The following VAT1L variants were observed in gnomAD, a reference collection of about 807,000 sequenced individuals.
VAT1L encodes vesicle amine transport 1 like.
VAT1L carries 34 observed loss-of-function variants against 44.1 expected under a neutral mutation model. The observed-to-expected ratio is 0.77, with a 90% CI of 0.59 to 1.03. The LOEUF is 1.03. Among genes scored for constraint, VAT1L ranks in the 50% least tolerant of loss-of-function variants. The probability of loss-of-function intolerance (pLI) is 0.00; values close to 1 mark genes in which losing one functional copy is unlikely to be tolerated. For missense variants in VAT1L, 615 were observed against 538.8 expected (o/e 1.14, Z -1.40); for synonymous variants, 253 against 202.2 (o/e 1.25, Z -2.13).
chr16:77,949,326 A>G (rs917567286), intron 7 of VAT1L, among the ~76,000 whole-genome samples: 4 of 152,160 alleles, frequency 2.6e-5, no homozygotes, highest in Non-Finnish European at 5.9e-5. Flanking sequence ...GGTGGAGGCA[A>G]TGGCAGACAA....
intron 7 of VAT1L, among the ~76,000 whole-genome samples, chr16:77,925,465 G>A (rs185233512): frequency 1.7e-4 from 26 of 152,222 alleles, no homozygotes; most frequent in African/African-American, 5.3e-4. Context: ...GGGTTGTTTC[G>A]GGGTATTAAA....
chr16:77,935,983 C>G (rs1479347559), intron 7 of VAT1L, among the ~76,000 whole-genome samples: 1 of 152,168 alleles, frequency 6.6e-6, no homozygotes, highest in African/African-American at 2.4e-5. Context: ...CTGCTTCTCT[C>G]TCGTTCTCTT....
At chr16:77,907,632 T>G (rs1163743877) in intron 7 of VAT1L, among the ~76,000 whole-genome samples, 1 of 152,010 alleles carries the variant, frequency 6.6e-6, no homozygotes, top group African/African-American at 2.4e-5. Flanking sequence ...TTTTTTATTG[T>G]CCATATTTTC....
intron 3 of VAT1L, among the ~76,000 whole-genome samples, chr16:77,857,594 TACTC>T (rs1041566088): frequency 1.3e-5 from 2 of 151,262 alleles, no homozygotes; most frequent in East Asian, 1.9e-4. Flanking sequence ...TTATACATAA[TACTC>T]ACATAGCATA....
At position 77,876,439 on chromosome 16, in the gene VAT1L, T is replaced by C. The variant is rs146750061; in HGVS notation, c.792T>C (p.Ser264=). ...LCGDNTGKGL[S]LLKPLGTYIL... The stretch of plus-strand genomic sequence containing the variant: ...GGGACAACACTGGAAAAGGTCTCAG[T>C]CTTCTCAAACCCCTGGGAACCTACA... The change falls in exon 5 of 9, where the codon AGT becomes AGC. Residue 264 remains serine, a synonymous_variant. Coordinates refer to ENST00000302536, the MANE Select transcript of VAT1L (RefSeq NM_020927.3). The C allele has an allele frequency of 5.2e-4, 842 of 1,614,184 alleles. 5 individuals carry two copies. Among genetic ancestry groups the C allele is most frequent in the Middle Eastern group, 2.3e-3 (14 of 6,062 alleles).
chr16:77,938,229 T>C (rs1164565498), intron 7 of VAT1L, among the ~76,000 whole-genome samples: 1 of 152,198 alleles, frequency 6.6e-6, no homozygotes, highest in Non-Finnish European at 1.5e-5. Flanking sequence ...AAACCACTCT[T>C]CTAAATGTGT....
At chr16:77,952,649 G>A (rs1236247792) in intron 7 of VAT1L, among the ~76,000 whole-genome samples, 1 of 152,016 alleles carries the variant, frequency 6.6e-6, no homozygotes, top group African/African-American at 2.4e-5. Context: ...CCGAGGTCAG[G>A]AGTTTGAGAC....
At chr16:77,922,541 C>G (rs770227158) in intron 7 of VAT1L, among the ~76,000 whole-genome samples, 1 of 152,140 alleles carries the variant, frequency 6.6e-6, no homozygotes, top group Non-Finnish European at 1.5e-5. Context: ...CTTGTCACAG[C>G]TGGGCATGTG....
chr16:77,956,631 C>T lies in VAT1L; in HGVS notation c.1078-15219C>T, dbSNP rs973598155. On this transcript the variant is annotated intron_variant, in intron 7 of 8. Transcript: ENST00000302536. ...TACAACCTATGGGCATCTGGTGACT[C>T]TCATATTATTACATTCTTAGGTTCA... Among the ~76,000 whole-genome samples, 6 of 152,278 alleles carry T rather than the reference C, an allele frequency of 3.9e-5. No homozygotes were observed. In the South Asian group the frequency reaches 1.2e-3, roughly 32 times the overall value.
intron 3 of VAT1L, among the ~76,000 whole-genome samples, chr16:77,845,687 T>G (rs2016751596): frequency 1.3e-5 from 2 of 151,876 alleles, no homozygotes; most frequent in Admixed American, 1.3e-4. Flanking sequence ...GCTCATCCTC[T>G]CCATGTAATT....
At chr16:77,796,939 C>T (rs1173918132) in intron 1 of VAT1L, among the ~76,000 whole-genome samples, 1 of 152,082 alleles carries the variant, frequency 6.6e-6, no homozygotes, top group African/African-American at 2.4e-5. Flanking sequence ...ATGGTACACA[C>T]TGAGTAGAAT....
At chr16:77,851,943 T>A (rs2016812665) in intron 3 of VAT1L, among the ~76,000 whole-genome samples, 1 of 152,162 alleles carries the variant, frequency 6.6e-6, no homozygotes, top group Non-Finnish European at 1.5e-5. Flanking sequence ...TTGAGGGGCG[T>A]AAGCTACAGA....
intron 7 of VAT1L, among the ~76,000 whole-genome samples, chr16:77,921,875 C>T (rs1026390864): frequency 2.0e-5 from 3 of 152,044 alleles, no homozygotes. Flanking sequence ...TCCCGAGTAG[C>T]TGGGACTACA....
Position 77,950,011 on chromosome 16 carries a change from G to C in VAT1L, c.1078-21839G>C, listed in dbSNP as rs531964554. ...CCCTCAGCCATGGCTCTGTAGCCTCGTTTCACTGCTGTGGTGATCAAAGTG... is the reference window on the plus strand; with the variant it reads ...CCCTCAGCCATGGCTCTGTAGCCTCCTTTCACTGCTGTGGTGATCAAAGTG... On this transcript the variant is annotated intron_variant, in intron 7 of 8. Coordinates refer to ENST00000302536, the MANE Select transcript of VAT1L (RefSeq NM_020927.3). Among the ~76,000 whole-genome samples, 132 of 152,270 alleles carry C rather than the reference G, an allele frequency of 8.7e-4. 1 individual carries two copies. The highest frequency in any genetic ancestry group is 2.8e-3 in the African/African-American group (117 of 41,556).
chr16:77,899,999 G>A (rs16946778), intron 7 of VAT1L, among the ~76,000 whole-genome samples: 32,824 of 152,148 alleles, frequency 0.22, 3,601 homozygotes, highest in South Asian at 0.24. Flanking sequence ...AAGCTACACC[G>A]TATGCAAGGC....
At position 77,977,839 on chromosome 16, in the gene VAT1L, G is replaced by C; in HGVS notation, c.*144G>C. Reference sequence around the variant, plus strand: ...CAGTCAGCTGAGCTAAAAAGCTGTTGATCACTGTTGTTTTTTGAAGTGCCA... The same window carrying C: ...CAGTCAGCTGAGCTAAAAAGCTGTTCATCACTGTTGTTTTTTGAAGTGCCA... On this transcript the variant is annotated 3_prime_UTR_variant, in exon 9 of 9. Coordinates refer to ENST00000302536, the MANE Select transcript of VAT1L (RefSeq NM_020927.3). The C allele has an allele frequency of 1.3e-6, 1 of 774,746 alleles. No homozygotes were observed. The highest frequency in any genetic ancestry group is 1.8e-5 in the South Asian group (1 of 57,092). 48.0% of individuals were successfully genotyped at this position (774,746 alleles called of 1,614,324 possible). A position where few individuals can be genotyped will look rare whatever the true frequency, so the allele number is the denominator to read the frequency against.
At chr16:77,800,244 G>T in intron 1 of VAT1L, 1 of 152,138 alleles carries the variant, frequency 6.6e-6, no homozygotes, top group East Asian at 1.9e-4. Context: ...GAGTTCTCAC[G>T]ATGCTCTGTA....
At chr16:77,918,961 A>G (rs775255523) in intron 7 of VAT1L, among the ~76,000 whole-genome samples, 3 of 152,128 alleles carry the variant, frequency 2.0e-5, no homozygotes, top group Non-Finnish European at 4.4e-5. Flanking sequence ...GGCACCATCC[A>G]TCATTCCTTC....
At chr16:77,921,585 G>C (rs891449234) in intron 7 of VAT1L, among the ~76,000 whole-genome samples, 2 of 152,032 alleles carry the variant, frequency 1.3e-5, no homozygotes, top group African/African-American at 4.8e-5. Flanking sequence ...AGGACCTTTC[G>C]TATCTATTTT....
Sources: allele counts gnomAD v4.1 joint callset (sites outside exome capture counted in the v4.1 genomes callset), GRCh38; gene constraint gnomAD v4.1.1; transcripts MANE v1.5; gene names NCBI Gene and HGNC (gene_info 2026-07-23, HGNC 2026-07-21).